CROT: variants seen among roughly 807,000 people sequenced by gnomAD.
CROT encodes the protein carnitine O-octanoyltransferase.
Under a neutral mutation model 89.2 loss-of-function variants are expected in CROT, and 84 were observed. The observed-to-expected ratio is 0.94, with a 90% CI of 0.79 to 1.13. The LOEUF is 1.13. CROT is among the 50% of genes most tolerant of loss of function. CROT has a pLI of 0.00. For missense variants in CROT, 711 were observed against 727.8 expected (o/e 0.98, Z 0.27); for synonymous variants, 212 against 239.5 (o/e 0.89, Z 1.06).
At chr7:87,366,227 C>T (rs1806443165) in intron 6 of CROT, among the ~76,000 whole-genome samples, 1 of 151,176 alleles carries the variant, frequency 6.6e-6, no homozygotes. Context: ...TTCCCCTGTA[C>T]CCTCGCAAGG....
At chr7:87,382,258 C>A in intron 12 of CROT, 77 bp downstream of exon 12, 2 of 1,427,224 alleles carry the variant, frequency 1.4e-6, no homozygotes, top group Non-Finnish European at 9.8e-7. Flanking sequence ...GGCTGTCATC[C>A]AAGCATGTCT....
At chr7:87,381,550 C>G (rs1807004646) in intron 10 of CROT, among the ~76,000 whole-genome samples, 1 of 152,146 alleles carries the variant, frequency 6.6e-6, no homozygotes, top group Non-Finnish European at 1.5e-5. Context: ...CCACCCTGTT[C>G]TTACAATTCC....
intron 3 of CROT, chr7:87,354,465 C>G (rs1201711952): frequency 2.0e-6 from 1 of 497,362 alleles, no homozygotes; most frequent in African/African-American, 1.9e-5. Flanking sequence ...CTCTTAGGAA[C>G]AGCATTAGTT....
chr7:87,352,367 C>G (rs568139924), intron 3 of CROT, among the ~76,000 whole-genome samples: 11 of 152,228 alleles, frequency 7.2e-5, no homozygotes, highest in African/African-American at 2.6e-4. Flanking sequence ...GGCCAAGGGA[C>G]TTAAACAAAA....
intron 13 of CROT, among the ~76,000 whole-genome samples, chr7:87,386,246 G>T (rs1807179216): frequency 6.6e-6 from 1 of 152,112 alleles, no homozygotes; most frequent in Non-Finnish European, 1.5e-5. Flanking sequence ...ATTGGTATTA[G>T]TTCTTTTTTT....
chr7:87,394,317 T>C (rs1315892550), intron 17 of CROT, among the ~76,000 whole-genome samples: 2 of 152,190 alleles, frequency 1.3e-5, no homozygotes, highest in Non-Finnish European at 2.9e-5. Context: ...AAAAGTGATC[T>C]TTCGTGGTTT....
intron 3 of CROT, among the ~76,000 whole-genome samples, chr7:87,358,284 T>A (rs1341911158): frequency 1.3e-5 from 2 of 150,762 alleles, no homozygotes; most frequent in African/African-American, 2.4e-5. Context: ...GAGACCATCC[T>A]GGCTAACACA....
intron 13 of CROT, among the ~76,000 whole-genome samples, chr7:87,388,330 C>A (rs984564419): frequency 1.3e-5 from 2 of 151,894 alleles, no homozygotes; most frequent in African/African-American, 4.8e-5. Context: ...CAATCCTAAG[C>A]AAAAAGAAAA....
chr7:87,382,086 G>A lies in CROT; in HGVS notation c.1075G>A (p.Val359Ile). The A allele has an allele frequency of 6.2e-7, 1 of 1,611,824 alleles. No homozygotes were observed. ...TCCCTATTTTCAGGGTTCAGAGAAGGTACGAGATATACCACTTCCAGAAGA... is the reference window on the plus strand; with the variant it reads ...TCCCTATTTTCAGGGTTCAGAGAAGATACGAGATATACCACTTCCAGAAGA... ...NEGRWKGSEK[V>I]RDIPLPEELI... Residue 359 changes from valine to isoleucine, a missense_variant, in exon 12 of 18, where the codon GTA becomes ATA. By Grantham distance (29) the Val-to-Ile change is conservative. Transcript: ENST00000331536.
Position 87,368,733 on chromosome 7 carries a change from C to T in CROT, c.548-643C>T, listed in dbSNP as rs567262759. Among the ~76,000 whole-genome samples, 5 of 152,148 alleles carry T rather than the reference C, an allele frequency of 3.3e-5. No homozygotes were observed. In the South Asian group the frequency reaches 6.2e-4, roughly 19 times the overall value. ...GGGGCAGGGATCACATAAGAAGATC[C>T]TTGGCAAAAGGACAAGTACCTAAAG... On this transcript the variant is annotated intron_variant, in intron 6 of 17. Coordinates refer to ENST00000331536, the MANE Select transcript of CROT (RefSeq NM_021151.4).
At chr7:87,387,482 G>C (rs1354373474) in intron 13 of CROT, among the ~76,000 whole-genome samples, 2 of 143,132 alleles carry the variant, frequency 1.4e-5, no homozygotes, top group East Asian at 4.1e-4. Flanking sequence ...TTGTACAGTT[G>C]ACCCTTCAAC....
chr7:87,375,843 A>T lies in CROT; in HGVS notation c.766A>T (p.Ile256Phe). 6.2e-7 allele frequency: 1 copy of T among 1,613,530 alleles called. No individual in the cohort carries two copies. Among genetic ancestry groups the T allele is most frequent in the Non-Finnish European group, 8.5e-7 (1 of 1,179,600 alleles). ...TGCCCTTTAGGCACGAGAATATCTG[A>T]TTGGTCTTGATCCAGAGAACTTGGC... Reference protein sequence around the residue: ...TRWAKAREYLIGLDPENLALL... With the variant: ...TRWAKAREYLFGLDPENLALL... The change falls in exon 9 of 18, where the codon ATT becomes TTT. Residue 256 changes from isoleucine to phenylalanine, a missense_variant. Physicochemically the swap from Ile to Phe is conservative, Grantham distance 21. Transcript: ENST00000331536.
At chr7:87,379,997 A>G (rs1435925380) in intron 10 of CROT, among the ~76,000 whole-genome samples, 3 of 151,934 alleles carry the variant, frequency 2.0e-5, no homozygotes, top group African/African-American at 7.3e-5. Context: ...TATACTCCCA[A>G]CTACTTGGGA....
chr7:87,367,597 A>G (rs1806486412), intron 6 of CROT, among the ~76,000 whole-genome samples: 1 of 152,144 alleles, frequency 6.6e-6, no homozygotes, highest in Non-Finnish European at 1.5e-5. Flanking sequence ...AAATTCATAT[A>G]CTTTTCTTTT....
intron 7 of CROT, among the ~76,000 whole-genome samples, chr7:87,371,680 A>G (rs554939295): frequency 1.3e-5 from 2 of 152,262 alleles, no homozygotes; most frequent in East Asian, 3.9e-4. Flanking sequence ...TTGACATGGT[A>G]CTATTAAACT....
intron 7 of CROT, among the ~76,000 whole-genome samples, chr7:87,370,816 T>C (rs1291505319): frequency 6.6e-6 from 1 of 152,222 alleles, no homozygotes; most frequent in Non-Finnish European, 1.5e-5. Flanking sequence ...GGTGTACACA[T>C]GCATGTATTT....
intron 6 of CROT, among the ~76,000 whole-genome samples, chr7:87,365,622 CTTT>C (rs1223252893): frequency 7.8e-5 from 10 of 128,442 alleles, no homozygotes; most frequent in Non-Finnish European, 6.6e-5. Flanking sequence ...TTTTGTTTGT[CTTT>C]TTTTTTTTTT....
chr7:87,389,893 C>T (rs912049775), intron 13 of CROT, among the ~76,000 whole-genome samples: 13 of 151,904 alleles, frequency 8.6e-5, no homozygotes, highest in Non-Finnish European at 1.5e-4. Flanking sequence ...GGAAATTTCA[C>T]GCGGTATTTT....
At chr7:87,381,882 T>G in intron 10 of CROT, 28 bp from the exon 11 acceptor site, 2 of 1,484,466 alleles carry the variant, frequency 1.3e-6, no homozygotes, top group Non-Finnish European at 1.9e-6. Context: ...CATAAAGTAT[T>G]CAGAAATCTT....
Sources: allele counts gnomAD v4.1 joint callset (sites outside exome capture counted in the v4.1 genomes callset), GRCh38; gene constraint gnomAD v4.1.1; transcripts MANE v1.5; gene names NCBI Gene and HGNC (gene_info 2026-07-23, HGNC 2026-07-21).